DIP2C: variants seen among roughly 807,000 people sequenced by gnomAD.
DIP2C encodes DIP2 acetate--CoA ligase C (putative).
In DIP2C, 33 loss-of-function variants were observed where a neutral mutation model predicts 192.4. The ratio of observed to expected loss-of-function variants is 0.17; its 90% CI spans 0.13 to 0.23. The LOEUF is 0.23. Among genes scored for constraint, DIP2C ranks in the 10% least tolerant of loss-of-function variants. The pLI is 1.00. For synonymous variants in DIP2C, 979 were observed against 864.1 expected, an observed-to-expected ratio of 1.13 and a Z score of -2.33; for missense variants, 1,537 against 2,110.1, an observed-to-expected ratio of 0.73 and a Z score of 5.32.
In DIP2C at chr10:565,354, T is replaced by TAAAATAAAAAAA. The variant is rs376030794; in HGVS notation, c.86-78825_86-78824insTTTTTTTATTTT. 2.6e-3 allele frequency among the ~76,000 whole-genome samples: 296 copies of TAAAATAAAAAAA among 114,060 alleles called. 4 individuals are homozygous for TAAAATAAAAAAA. The highest frequency in any genetic ancestry group is 7.3e-3 in the African/African-American group (194 of 26,652). The allele number at this position is 114,060 out of a possible 152,430, so 74.8% of individuals were successfully genotyped here. A position where few individuals can be genotyped will look rare whatever the true frequency, so the allele number is the denominator to read the frequency against. Reference sequence around the variant, plus strand: ...AAAATATGAAACAGTACCTGCATTCTAAAAAAAAAAAAAAAAAGACCTAGA... The same window carrying TAAAATAAAAAAA: ...AAAATATGAAACAGTACCTGCATTCTAAAATAAAAAAAAAAAAAAAAAAAAAAAAGACCTAGA... On this transcript the variant is annotated intron_variant, in intron 1 of 36. Coordinates refer to ENST00000280886, the MANE Select transcript of DIP2C (RefSeq NM_014974.3).
At chr10:515,713 G>C (rs367622307) in intron 1 of DIP2C, among the ~76,000 whole-genome samples, 1 of 106,056 alleles carries the variant, frequency 9.4e-6, no homozygotes, top group Non-Finnish European at 2.0e-5. Flanking sequence ...AACAGAGTGA[G>C]ACTGTCTCTC....
intron 1 of DIP2C, among the ~76,000 whole-genome samples, chr10:490,432 C>T (rs1393845861): frequency 6.6e-6 from 1 of 152,222 alleles, no homozygotes; most frequent in East Asian, 1.9e-4. Flanking sequence ...CTGCTCACAG[C>T]CTGCTTGTTC....
chr10:454,720 C>G (rs981818690), intron 3 of DIP2C, among the ~76,000 whole-genome samples: 2 of 151,990 alleles, frequency 1.3e-5, no homozygotes, highest in African/African-American at 2.4e-5. Flanking sequence ...ATCAGCACCC[C>G]TCAGAGAAAG....
At chr10:537,852 C>CAT (rs1847779327) in intron 1 of DIP2C, among the ~76,000 whole-genome samples, 1 of 151,206 alleles carries the variant, frequency 6.6e-6, no homozygotes, top group Non-Finnish European at 1.5e-5. Context: ...AGTGCAGTGG[C>CAT]GATCTCGGCT....
At chr10:340,413 A>C (rs1300583107) in intron 29 of DIP2C, among the ~76,000 whole-genome samples, 1 of 152,126 alleles carries the variant, frequency 6.6e-6, no homozygotes, top group Non-Finnish European at 1.5e-5. Flanking sequence ...TGAAATGTGA[A>C]GCTGGATGAT....
chr10:647,033 C>G (rs1855488990), intron 1 of DIP2C, among the ~76,000 whole-genome samples: 1 of 152,210 alleles, frequency 6.6e-6, no homozygotes, highest in Non-Finnish European at 1.5e-5. Flanking sequence ...AGTCCATGTC[C>G]ACATTTGACA....
intron 1 of DIP2C, among the ~76,000 whole-genome samples, chr10:675,462 T>TA (rs1830840383): frequency 6.7e-6 from 1 of 149,970 alleles, no homozygotes; most frequent in African/African-American, 2.5e-5. Context: ...AAAATTAAAC[T>TA]AAAAAATACA....
chr10:430,610 C>T (rs1412654846), intron 4 of DIP2C: 1 of 152,244 alleles, frequency 6.6e-6, no homozygotes, highest in Non-Finnish European at 1.5e-5. Context: ...CAAACATCCT[C>T]TCCCTGTCTG....
chr10:304,548 C>T (rs1956213579), intron 32 of DIP2C, among the ~76,000 whole-genome samples: 2 of 67,668 alleles, frequency 3.0e-5, no homozygotes, highest in South Asian at 1.6e-3. Flanking sequence ...TATGTATGCA[C>T]ACGAATGCAC....
chr10:556,092 C>A (rs1446562461), intron 1 of DIP2C, among the ~76,000 whole-genome samples: 3 of 142,720 alleles, frequency 2.1e-5, no homozygotes, highest in East Asian at 2.1e-4. Context: ...ACCCACCCCC[C>A]CTTCCATAGC....
At chr10:300,794 G>A (rs1284882715) in intron 32 of DIP2C, among the ~76,000 whole-genome samples, 3 of 141,374 alleles carry the variant, frequency 2.1e-5, no homozygotes, top group Non-Finnish European at 3.1e-5. Flanking sequence ...GTGTGGAGAA[G>A]CCGGAACCCA....
In DIP2C at chr10:683,946, C is replaced by T. The variant is rs560556316; in HGVS notation, c.85+5548G>A. On this transcript the variant is annotated intron_variant, in intron 1 of 36. Coordinates refer to ENST00000280886, the MANE Select transcript of DIP2C (RefSeq NM_014974.3). ...AACCATAACAAGAATATGAAACTAG[C>T]AAGTCCAGTGTGAGGCAGAACAGAG... Among the ~76,000 whole-genome samples, 334 of 152,338 alleles carry T rather than the reference C, an allele frequency of 2.2e-3. 2 individuals are homozygous for T. The highest frequency in any genetic ancestry group is 3.5e-3 in the Non-Finnish European group (240 of 68,028).
Position 651,832 on chromosome 10 carries a change from G to A in DIP2C, c.85+37662C>T, listed in dbSNP as rs541437847. ...CGGCATGAGAGAGATGGTGTGGGGC[G>A]AAACCAATGGGGAAACTACAAAAGA... On this transcript the variant is annotated intron_variant, in intron 1 of 36. Transcript: ENST00000280886. The surrounding 1 kb of genome is among the most constrained non-coding windows in gnomAD (Gnocchi z 4.1). 15 of 223,584 alleles carry A rather than the reference G, an allele frequency of 6.7e-5. No individual in the cohort carries two copies. The highest frequency in any genetic ancestry group is 3.0e-4 in the African/African-American group (13 of 42,736). 13.9% of individuals were successfully genotyped at this position (223,584 alleles called of 1,614,324 possible).
intron 1 of DIP2C, among the ~76,000 whole-genome samples, chr10:497,973 G>A (rs974356208): frequency 6.6e-6 from 1 of 152,206 alleles, no homozygotes; most frequent in African/African-American, 2.4e-5. Context: ...CCAGGGCCAA[G>A]TGATCCTCCC....
chr10:528,092 T>TC (rs1445597192), intron 1 of DIP2C, among the ~76,000 whole-genome samples: 1 of 151,952 alleles, frequency 6.6e-6, no homozygotes, highest in African/African-American at 2.4e-5. Flanking sequence ...CCTGAATACC[T>TC]CATGGAGCAG....
intron 1 of DIP2C, among the ~76,000 whole-genome samples, chr10:537,558 G>GCC (rs561807032): frequency 1.6e-4 from 24 of 148,360 alleles, no homozygotes; most frequent in African/African-American, 5.5e-4. Flanking sequence ...CCAGCATCCT[G>GCC]CCCCCCGTCC....
intron 31 of DIP2C, among the ~76,000 whole-genome samples, chr10:310,689 T>C (rs1401139665): frequency 6.6e-6 from 1 of 152,188 alleles, no homozygotes; most frequent in African/African-American, 2.4e-5. Context: ...GTCTGAGCCA[T>C]TCCACTGGGC....
At chr10:478,008 A>AAG (rs1554874342) in intron 2 of DIP2C, among the ~76,000 whole-genome samples, 1 of 4,046 alleles carries the variant, frequency 2.5e-4, no homozygotes, top group African/African-American at 1.4e-3. Context: ...AGAGGAAAAA[A>AAG]GAGGGGAGGG....
intron 1 of DIP2C, among the ~76,000 whole-genome samples, chr10:581,210 T>C (rs1302484916): frequency 6.6e-6 from 1 of 152,190 alleles, no homozygotes; most frequent in Admixed American, 6.5e-5. Context: ...AGTCTACTTG[T>C]TTCCCTTTCT....
Sources: allele counts gnomAD v4.1 joint callset (sites outside exome capture counted in the v4.1 genomes callset), GRCh38; gene constraint gnomAD v4.1.1; non-coding constraint Gnocchi (gnomAD v3.1); transcripts MANE v1.5; gene names NCBI Gene and HGNC (gene_info 2026-07-23, HGNC 2026-07-21).